The following STX6 variants were observed in gnomAD, a reference collection of about 807,000 sequenced individuals.
STX6 encodes the protein syntaxin-6.
Under a neutral mutation model 38.0 loss-of-function variants are expected in STX6, and 23 were observed. The observed-to-expected ratio is 0.60, with a 90% CI of 0.43 to 0.86. The LOEUF (loss-of-function observed/expected upper bound fraction) is 0.86, where lower values mean the gene tolerates loss of function less well. Among genes scored for constraint, STX6 ranks in the 40% least tolerant of loss-of-function variants. STX6 has a pLI of 0.00. For missense variants in STX6, 274 were observed against 312.9 expected (o/e 0.88, Z 0.94); for synonymous variants, 123 against 107.5 (o/e 1.14, Z -0.89).
At chr1:181,018,019 G>T (rs889350761) in intron 1 of STX6, among the ~76,000 whole-genome samples, 1 of 152,046 alleles carries the variant, frequency 6.6e-6, no homozygotes, top group African/African-American at 2.4e-5. Context: ...ACATTTATAT[G>T]ACAAAATACA....
intron 3 of STX6, among the ~76,000 whole-genome samples, chr1:181,001,522 T>C (rs1471560962): frequency 6.6e-6 from 1 of 152,230 alleles, no homozygotes; most frequent in Admixed American, 6.5e-5. Context: ...TGATAGATGC[T>C]TGTTTGCTCT....
chr1:180,976,664 G>C lies in STX6; in HGVS notation c.692-18C>G, dbSNP rs776558447. On this transcript the variant is annotated intron_variant, in intron 7 of 7. Coordinates refer to ENST00000258301, the MANE Select transcript of STX6 (RefSeq NM_005819.6). ...GCGCCGATCTGGAAGGCAGGACATG[G>C]GGATTAGCTCTCACAGGGACTCCAC... 3.1e-6 allele frequency: 5 copies of C among 1,611,284 alleles called. No homozygotes were observed. In the African/African-American group the frequency reaches 6.7e-5, roughly 22 times the overall value.
intron 2 of STX6, among the ~76,000 whole-genome samples, chr1:181,004,925 T>C (rs1406442768): frequency 1.3e-5 from 2 of 151,238 alleles, no homozygotes; most frequent in Admixed American, 1.3e-4. Context: ...CATACTGACT[T>C]GAGTGTGAGG....
At chr1:180,999,125 T>C (rs1656003641) in intron 3 of STX6, among the ~76,000 whole-genome samples, 1 of 152,220 alleles carries the variant, frequency 6.6e-6, no homozygotes, top group Admixed American at 6.5e-5. Flanking sequence ...ATTCTTACAT[T>C]GGAGCAGGTT....
intron 5 of STX6, chr1:180,989,499 A>G (rs111499499): frequency 7.4e-6 from 1 of 134,758 alleles, no homozygotes; most frequent in South Asian, 2.1e-4. Context: ...CCGTCTCACA[A>G]AAAAAAAAAA....
chr1:181,006,756 G>A lies in STX6; in HGVS notation c.36-1293C>T, dbSNP rs75974678. Among the ~76,000 whole-genome samples the A allele has an allele frequency of 8.8e-3, 1,342 of 152,006 alleles. 22 individuals carry two copies. The highest frequency in any genetic ancestry group is 0.03 in the African/African-American group (1,262 of 41,434). ...TTTCAAGTATTGGAAAAAAGAAAGC[G>A]CTAACAAAAATGAAAAAAAGCACCT... On this transcript the variant is annotated intron_variant, in intron 1 of 7. Transcript: ENST00000258301.
At position 180,972,832 on chromosome 1, in the gene STX6, G is replaced by T; in HGVS notation, c.*3738C>A. On this transcript the variant is annotated 3_prime_UTR_variant, in exon 8 of 8. Coordinates refer to ENST00000258301, the MANE Select transcript of STX6 (RefSeq NM_005819.6). Reference sequence around the variant, plus strand: ...TTACTCTGATCGGAGCTACTGAAAGGTACCTGCTTTCAGCAAATTCTGGTT... The same window carrying T: ...TTACTCTGATCGGAGCTACTGAAAGTTACCTGCTTTCAGCAAATTCTGGTT... The T allele has an allele frequency of 1.9e-5, 4 of 213,950 alleles. No homozygotes were observed. In the South Asian group the frequency reaches 2.3e-4, roughly 12 times the overall value. The allele number at this position is 213,950 out of a possible 1,614,324, so 13.3% of individuals were successfully genotyped here.
intron 1 of STX6, among the ~76,000 whole-genome samples, chr1:181,017,748 G>T (rs574218040): frequency 3.9e-5 from 6 of 152,258 alleles, no homozygotes; most frequent in Admixed American, 1.3e-4. Flanking sequence ...GATTAGTAAA[G>T]ATTTTTTTAA....
At chr1:181,006,843 T>C (rs2102324154) in intron 1 of STX6, among the ~76,000 whole-genome samples, 1 of 152,336 alleles carries the variant, frequency 6.6e-6, no homozygotes, top group Non-Finnish European at 1.5e-5. Flanking sequence ...AAACAGAGAA[T>C]ACAGCTTCTA....
In STX6 at chr1:181,022,780, T is replaced by A; in HGVS notation, c.-107A>T. 3.3e-6 allele frequency: 4 copies of A among 1,202,484 alleles called. No individual in the cohort carries two copies. The Admixed American group carries it at 8.0e-5, about 24-fold the overall frequency. The allele number at this position is 1,202,484 out of a possible 1,614,324, so 74.5% of individuals were successfully genotyped here. A position where few individuals can be genotyped will look rare whatever the true frequency, so the allele number is the denominator to read the frequency against. The stretch of plus-strand genomic sequence containing the variant: ...GTTCCCGCAGCTGCCCGCGCCTTAG[T>A]CTGGGTGAAGCCGAGCAGCGGGCAC... On this transcript the variant is annotated 5_prime_UTR_variant, in exon 1 of 8. Coordinates refer to ENST00000258301, the MANE Select transcript of STX6 (RefSeq NM_005819.6).
At chr1:181,013,711 G>T (rs188088676) in intron 1 of STX6, among the ~76,000 whole-genome samples, 1 of 152,310 alleles carries the variant, frequency 6.6e-6, no homozygotes, top group East Asian at 1.9e-4. Flanking sequence ...ATCATGTCAT[G>T]GAGTCTGTAG....
Position 180,996,256 on chromosome 1 carries a change from T to G in STX6, c.301-2831A>C, listed in dbSNP as rs151072679. On this transcript the variant is annotated intron_variant, in intron 3 of 7. Transcript: ENST00000258301. ...GTATTATTTATAATAAGAAAAAAAG[T>G]AGAAATAAGCAGCAAGCCCAAATAA... Among the ~76,000 whole-genome samples the G allele has an allele frequency of 7.0e-4, 107 of 151,968 alleles. 3 individuals carry two copies. The East Asian group carries it at 0.018, about 26-fold the overall frequency.
At chr1:180,988,123 T>C (rs1655642065) in intron 6 of STX6, 116 bp downstream of exon 6, 1 of 679,572 alleles carries the variant, frequency 1.5e-6, no homozygotes. Context: ...AATGCAGCTA[T>C]GAATAAAATA....
chr1:180,980,201 T>C (rs1655363526), intron 7 of STX6, among the ~76,000 whole-genome samples: 2 of 99,664 alleles, frequency 2.0e-5, no homozygotes, highest in Admixed American at 1.3e-4. Flanking sequence ...AGTCAGACTC[T>C]GTCTCAAAAA....
intron 5 of STX6, among the ~76,000 whole-genome samples, chr1:180,989,677 T>C (rs116515810): frequency 0.01 from 1,591 of 152,104 alleles, 22 homozygotes; most frequent in African/African-American, 0.036. Flanking sequence ...TAGAATGCAA[T>C]GGCATGATCG....
At chr1:180,979,918 G>A (rs1363123738) in intron 7 of STX6, among the ~76,000 whole-genome samples, 2 of 152,150 alleles carry the variant, frequency 1.3e-5, no homozygotes, top group Admixed American at 6.6e-5. Flanking sequence ...CATCAAAAAA[G>A]AGATGGGGCT....
chr1:180,988,051 T>C (rs969718958), intron 6 of STX6, 188 bp downstream of exon 6: 18 of 479,270 alleles, frequency 3.8e-5, no homozygotes, highest in Non-Finnish European at 6.4e-5. Flanking sequence ...CTAAAGCCTG[T>C]AGTAAAATTT....
Position 180,990,221 on chromosome 1 carries a change from C to T in STX6, c.364-112G>A, listed in dbSNP as rs1655715542. On this transcript the variant is annotated intron_variant, in intron 4 of 7. Coordinates refer to ENST00000258301, the MANE Select transcript of STX6 (RefSeq NM_005819.6). ...GTTTTCACATTTCTTGTCTATTTTC[C>T]CCTGGGCAAGGCTTTTATGTAGTGG... 6 of 1,403,884 alleles carry T rather than the reference C, an allele frequency of 4.3e-6. No homozygotes were observed. The Admixed American group carries it at 1.0e-4, about 24-fold the overall frequency. The allele number at this position is 1,403,884 out of a possible 1,614,324, so 87.0% of individuals were successfully genotyped here. A position where few individuals can be genotyped will look rare whatever the true frequency, so the allele number is the denominator to read the frequency against.
intron 3 of STX6, among the ~76,000 whole-genome samples, chr1:181,001,565 A>G (rs1438964841): frequency 1.3e-5 from 2 of 152,208 alleles, no homozygotes; most frequent in Non-Finnish European, 2.9e-5. Context: ...AAGTAGTTAC[A>G]TATGGAAATG....
Sources: gnomAD v4.1 joint callset for allele counts (sites outside exome capture counted in the v4.1 genomes callset) on GRCh38, gnomAD v4.1.1 for gene constraint, MANE v1.5 for transcripts, NCBI Gene and HGNC (gene_info 2026-07-23, HGNC 2026-07-21) for gene names.